Variants in EPB41L3 observed in about 807,000 individuals in gnomAD.
The protein encoded by EPB41L3 is band 4.1-like protein 3.
A neutral mutation model predicts 127.1 loss-of-function variants in EPB41L3; 57 were observed. The ratio of observed to expected loss-of-function variants is 0.45; its 90% CI spans 0.36 to 0.56. EPB41L3 has a LOEUF of 0.56. Among genes scored for constraint, EPB41L3 ranks in the 20% least tolerant of loss-of-function variants. The pLI, the probability that EPB41L3 is intolerant of heterozygous loss-of-function variation, is 0.00. For missense variants in EPB41L3, 1,273 were observed against 1,372.2 expected (o/e 0.93, Z 1.14); for synonymous variants, 572 against 549.5 (o/e 1.04, Z -0.57).
At chr18:5,473,803 A>G (rs1419531509) in intron 3 of EPB41L3, among the ~76,000 whole-genome samples, 1 of 152,238 alleles carries the variant, frequency 6.6e-6, no homozygotes, top group Non-Finnish European at 1.5e-5. Flanking sequence ...GGAGAATCAC[A>G]TAGTGATTTT....
At chr18:5,578,898 A>T (rs1182321852) in intron 3 of EPB41L3, among the ~76,000 whole-genome samples, 1 of 152,148 alleles carries the variant, frequency 6.6e-6, no homozygotes, top group African/African-American at 2.4e-5. Flanking sequence ...CTACCCAGCA[A>T]TTCTATTCCC....
intron 3 of EPB41L3, among the ~76,000 whole-genome samples, chr18:5,600,632 CATTACA>C (rs1366315669): frequency 1.5e-5 from 2 of 135,190 alleles, no homozygotes; most frequent in East Asian, 3.9e-4. Context: ...AAGAAAAAAA[CATTACA>C]ATTACAATCA....
At chr18:5,601,245 G>A (rs1330835320) in intron 3 of EPB41L3, among the ~76,000 whole-genome samples, 1 of 152,138 alleles carries the variant, frequency 6.6e-6, no homozygotes, top group African/African-American at 2.4e-5. Flanking sequence ...TTAATGGACT[G>A]TAACTAGAGA....
intron 1 of EPB41L3, among the ~76,000 whole-genome samples, chr18:5,535,677 G>A (rs1262458732): frequency 1.3e-5 from 2 of 152,134 alleles, no homozygotes; most frequent in East Asian, 1.9e-4. Flanking sequence ...CACCATTCCA[G>A]CTAGCACCAC....
At chr18:5,510,194 G>A (rs1444195360) in intron 1 of EPB41L3, among the ~76,000 whole-genome samples, 1 of 152,160 alleles carries the variant, frequency 6.6e-6, no homozygotes, top group Admixed American at 6.5e-5. Flanking sequence ...TCTGCTAATA[G>A]GCCCATGACA....
intron 16 of EPB41L3, among the ~76,000 whole-genome samples, chr18:5,406,052 T>G (rs901353628): frequency 1.1e-4 from 17 of 152,026 alleles, no homozygotes; most frequent in Admixed American, 1.1e-3. Flanking sequence ...TTAAGTGGTC[T>G]TAAGCCCGGC....
chr18:5,530,107 G>A (rs767885447), intron 1 of EPB41L3, among the ~76,000 whole-genome samples: 1 of 152,068 alleles, frequency 6.6e-6, no homozygotes, highest in Non-Finnish European at 1.5e-5. Context: ...CCTTAGTTCA[G>A]ATCATCCTCA....
chr18:5,439,350 T>C (rs890597315), intron 5 of EPB41L3, among the ~76,000 whole-genome samples: 3 of 152,210 alleles, frequency 2.0e-5, no homozygotes, highest in African/African-American at 4.8e-5. Context: ...GGAAACTCCA[T>C]TGCTCCATGA....
At position 5,407,208 on chromosome 18, in the gene EPB41L3, C is replaced by T; in HGVS notation, c.2158-240G>A. The T allele has an allele frequency of 5.6e-6, 3 of 532,796 alleles. No homozygotes were observed. In the South Asian group the frequency reaches 7.4e-5, roughly 13 times the overall value. 33.0% of individuals were successfully genotyped at this position (532,796 alleles called of 1,614,324 possible). A position where few individuals can be genotyped will look rare whatever the true frequency, so the allele number is the denominator to read the frequency against. ...TGGATACCAAAAGAATTTTAGAAGGCAAACTATAAAGAGTACAATTCACAT... is the reference window on the plus strand; with the variant it reads ...TGGATACCAAAAGAATTTTAGAAGGTAAACTATAAAGAGTACAATTCACAT... On this transcript the variant is annotated intron_variant, in intron 15 of 22. Coordinates refer to ENST00000341928, the MANE Select transcript of EPB41L3 (RefSeq NM_012307.5).
intron 3 of EPB41L3, among the ~76,000 whole-genome samples, chr18:5,560,937 GTAATTATTTATTTATTTATT>G (rs2094116471): frequency 6.9e-6 from 1 of 145,650 alleles, no homozygotes; most frequent in South Asian, 2.2e-4. Flanking sequence ...ATTCATAGTT[GTAATTATTTATTTATTTATT>G]TATTTATTTA....
intron 15 of EPB41L3, 31 bp downstream of exon 15, chr18:5,407,670 G>A: frequency 1.9e-6 from 3 of 1,610,666 alleles, no homozygotes; most frequent in Middle Eastern, 1.7e-4. Context: ...TTTTGTTGTT[G>A]TTGTTGTTTG....
In EPB41L3 at chr18:5,407,605, G is replaced by C. The variant is rs1029909208; in HGVS notation, c.2157+96C>G. ...CAACAACATGGTAACCAGCTACAGA[G>C]CATGCTGAAAGATCTGAACGCTGTA... On this transcript the variant is annotated intron_variant, in intron 15 of 22. Coordinates refer to ENST00000341928, the MANE Select transcript of EPB41L3 (RefSeq NM_012307.5). The C allele has an allele frequency of 8.5e-6, 11 of 1,295,150 alleles. No individual in the cohort carries two copies. The African/African-American group carries it at 1.6e-4, about 19-fold the overall frequency. The allele number at this position is 1,295,150 out of a possible 1,614,324, so 80.2% of individuals were successfully genotyped here.
Position 5,562,975 on chromosome 18 carries a change from A to G in EPB41L3, c.-306+49365T>C, listed in dbSNP as rs1185263197. ...GGACATGTTTCTTGTCTAGTGGGACAACTGCTACATGAACCAATCCTTTCT... is the reference window on the plus strand; with the variant it reads ...GGACATGTTTCTTGTCTAGTGGGACGACTGCTACATGAACCAATCCTTTCT... On this transcript the variant is annotated intron_variant, in intron 3 of 21. Transcript: ENST00000545076. Among the ~76,000 whole-genome samples, 3 of 152,376 alleles carry G rather than the reference A, an allele frequency of 2.0e-5. No homozygotes were observed. In the East Asian group the frequency reaches 5.8e-4, roughly 29 times the overall value.
At chr18:5,463,247 C>A (rs1205258457) in intron 3 of EPB41L3, among the ~76,000 whole-genome samples, 1 of 152,214 alleles carries the variant, frequency 6.6e-6, no homozygotes, top group Non-Finnish European at 1.5e-5. Context: ...CATTTTAAAA[C>A]ATGAATGAGC....
In EPB41L3 at chr18:5,392,992, CATCTAATCTGAGGAAA is replaced by C. The variant is rs2072650368; in HGVS notation, c.*477_*492del. On this transcript the variant is annotated 3_prime_UTR_variant, in exon 23 of 23. Transcript: ENST00000341928. ...TACTGAATAAACTTGGTTATTGGCA[CATCTAATCTGAGGAAA>C]ATCTGACACACCGGACGGACCTAGA... The C allele has an allele frequency of 6.5e-6, 1 of 153,354 alleles. No homozygotes were observed. The highest frequency in any genetic ancestry group is 1.5e-5 in the Non-Finnish European group (1 of 68,606). 9.5% of individuals were successfully genotyped at this position (153,354 alleles called of 1,614,324 possible).
In EPB41L3 at chr18:5,543,662, C is replaced by CGGCG. The variant is rs1194553328; in HGVS notation, c.-12+247_-12+250dup. On this transcript the variant is annotated intron_variant, in intron 1 of 22. Coordinates refer to ENST00000341928, the MANE Select transcript of EPB41L3 (RefSeq NM_012307.5). This position sits in a 1 kb window ranked among gnomAD's most constrained non-coding sequence, Gnocchi z 5.2. ...CGCCGGCCCAGCCACTACTGCGCCG[C>CGGCG]GGCGGGCGGAGCGGGCGGGGGGCGC... Among the ~76,000 whole-genome samples, 1 of 146,898 alleles carries CGGCG rather than the reference C, an allele frequency of 6.8e-6. No homozygotes were observed. The highest frequency in any genetic ancestry group is 2.4e-5 in the African/African-American group (1 of 40,880).
chr18:5,430,568 T>C (rs372460410), intron 8 of EPB41L3, among the ~76,000 whole-genome samples: 31 of 147,950 alleles, frequency 2.1e-4, no homozygotes, highest in Middle Eastern at 3.3e-3. Context: ...TTTTTTTTTT[T>C]CTTTTTTTTT....
intron 2 of EPB41L3, among the ~76,000 whole-genome samples, chr18:5,482,322 A>C (rs2088733527): frequency 6.6e-6 from 1 of 152,210 alleles, no homozygotes; most frequent in Non-Finnish European, 1.5e-5. Flanking sequence ...AGAAAAAAGA[A>C]AAATGAACAA....
At chr18:5,486,580 A>G (rs1174020905) in intron 2 of EPB41L3, among the ~76,000 whole-genome samples, 1 of 152,192 alleles carries the variant, frequency 6.6e-6, no homozygotes, top group Admixed American at 6.5e-5. Flanking sequence ...CAAAGTGTCT[A>G]CCTGACAAGG....
Sources: allele counts gnomAD v4.1 joint callset (sites outside exome capture counted in the v4.1 genomes callset), GRCh38; gene constraint gnomAD v4.1.1; non-coding constraint Gnocchi (gnomAD v3.1); transcripts MANE v1.5; gene names NCBI Gene and HGNC (gene_info 2026-07-23, HGNC 2026-07-21).